PCDH9: variants seen among roughly 807,000 people sequenced by gnomAD.
PCDH9 encodes protocadherin 9, also known as protocadherin-9.
In PCDH9, 24 loss-of-function variants were observed where a neutral mutation model predicts 70.6. The observed-to-expected ratio is 0.34, with a 90% CI of 0.25 to 0.48. The LOEUF (loss-of-function observed/expected upper bound fraction) is 0.48. Ranked by LOEUF, PCDH9 falls within the 20% of genes least tolerant of loss-of-function variation. PCDH9 has a pLI of 0.99. For missense variants in PCDH9, 1,281 were observed against 1,503.6 expected, an observed-to-expected ratio of 0.85 and a Z score of 2.45; for synonymous variants, 562 against 558.5, an observed-to-expected ratio of 1.01 and a Z score of -0.09.
chr13:67,102,733 G>A (rs2086460035), intron 2 of PCDH9, among the ~76,000 whole-genome samples: 1 of 152,140 alleles, frequency 6.6e-6, no homozygotes, highest in South Asian at 2.1e-4. Flanking sequence ...GACCTGAACT[G>A]CTGGATATAA....
intron 2 of PCDH9, among the ~76,000 whole-genome samples, chr13:66,922,729 C>T (rs896564835): frequency 2.6e-5 from 4 of 151,430 alleles, no homozygotes; most frequent in African/African-American, 9.7e-5. Flanking sequence ...CTCTAATTTG[C>T]TGCTATTATA....
intron 2 of PCDH9, among the ~76,000 whole-genome samples, chr13:67,112,716 TTC>T (rs1374707037): frequency 6.8e-6 from 1 of 147,718 alleles, no homozygotes; most frequent in Non-Finnish European, 1.5e-5. Context: ...TCCGCCTTCC[TTC>T]TTTCCTTCTT....
intron 2 of PCDH9, chr13:67,223,611 A>C (rs900583500): frequency 6.6e-6 from 1 of 152,152 alleles, no homozygotes; most frequent in Non-Finnish European, 1.5e-5. Context: ...TACTTTTCTT[A>C]TCATAGTTAA....
intron 4 of PCDH9, among the ~76,000 whole-genome samples, chr13:66,604,305 T>G (rs1400048929): frequency 6.6e-6 from 1 of 152,022 alleles, no homozygotes; most frequent in African/African-American, 2.4e-5. Context: ...GATTGTTTTA[T>G]ACTGTAAGCA....
rs1392158495 is a variant in PCDH9 at position 67,028,067 on chromosome 13, G to C, written c.3037-124462C>G. 4.2e-4 allele frequency among the ~76,000 whole-genome samples: 63 copies of C among 151,116 alleles called. 1 individual carries two copies. In the East Asian group the frequency reaches 0.012, roughly 28 times the overall value. The stretch of plus-strand genomic sequence containing the variant: ...CATTTGACCCAGCCATCCCATTACT[G>C]AGTATATACCCAAATGACTATAAAT... On this transcript the variant is annotated intron_variant, in intron 2 of 4. Coordinates refer to ENST00000377865, the MANE Select transcript of PCDH9 (RefSeq NM_203487.3).
At chr13:66,539,633 A>G (rs1258814726) in intron 4 of PCDH9, among the ~76,000 whole-genome samples, 3 of 152,068 alleles carry the variant, frequency 2.0e-5, no homozygotes, top group African/African-American at 7.2e-5. Flanking sequence ...AGCTAAATAA[A>G]TGGTTATTGC....
At chr13:67,172,773 G>A (rs2088328120) in intron 2 of PCDH9, among the ~76,000 whole-genome samples, 1 of 151,840 alleles carries the variant, frequency 6.6e-6, no homozygotes, top group Admixed American at 6.6e-5. Context: ...AGCTACTCGA[G>A]GGGCTGAGGC....
intron 2 of PCDH9, among the ~76,000 whole-genome samples, chr13:67,148,300 C>T (rs576057569): frequency 1.3e-5 from 2 of 151,318 alleles, no homozygotes; most frequent in African/African-American, 2.4e-5. Flanking sequence ...AAGATTTCTT[C>T]AAGACCATTT....
rs73505347 is a variant in PCDH9 at position 66,960,908 on chromosome 13, T to G, written c.3037-57303A>C. On this transcript the variant is annotated intron_variant, in intron 2 of 4. Coordinates refer to ENST00000377865, the MANE Select transcript of PCDH9 (RefSeq NM_203487.3). ...CTATTGAAGGTTAACCTGTTTAGAG[T>G]ATCAATTGGTAAAATAATCAAAACA... Among the ~76,000 whole-genome samples, 480 of 152,268 alleles carry G rather than the reference T, an allele frequency of 3.2e-3. 5 individuals carry two copies. The highest frequency in any genetic ancestry group is 0.011 in the African/African-American group (466 of 41,556).
At chr13:67,159,554 T>A (rs1777147444) in intron 2 of PCDH9, among the ~76,000 whole-genome samples, 1 of 152,150 alleles carries the variant, frequency 6.6e-6, no homozygotes, top group South Asian at 2.1e-4. Context: ...GAAACCAGAC[T>A]GGACCCCAGA....
chr13:66,779,433 T>C (rs1323595988), intron 3 of PCDH9, among the ~76,000 whole-genome samples: 1 of 152,170 alleles, frequency 6.6e-6, no homozygotes, highest in African/African-American at 2.4e-5. Context: ...CTCATCTGCC[T>C]CATTGGATAA....
intron 3 of PCDH9, among the ~76,000 whole-genome samples, chr13:66,687,194 A>T (rs1462789353): frequency 2.0e-5 from 3 of 152,176 alleles, no homozygotes; most frequent in Non-Finnish European, 4.4e-5. Context: ...TACTTGATTC[A>T]AGCTCAGAAA....
intron 4 of PCDH9, among the ~76,000 whole-genome samples, chr13:66,490,293 A>G (rs1414353772): frequency 6.6e-6 from 1 of 152,126 alleles, no homozygotes; most frequent in Non-Finnish European, 1.5e-5. Context: ...ACTTTTACCA[A>G]AAGTTCTGAG....
chr13:66,341,069 T>C (rs1956115748), intron 4 of PCDH9, among the ~76,000 whole-genome samples: 1 of 152,202 alleles, frequency 6.6e-6, no homozygotes, highest in African/African-American at 2.4e-5. Flanking sequence ...GTAAAATGTA[T>C]TGTCACTTAC....
At position 67,070,717 on chromosome 13, in the gene PCDH9, C is replaced by T. The variant is rs577439883; in HGVS notation, c.3036+154688G>A. 2.0e-5 allele frequency among the ~76,000 whole-genome samples: 3 copies of T among 152,208 alleles called. No homozygotes were observed. In the South Asian group the frequency reaches 6.2e-4, roughly 32 times the overall value. On this transcript the variant is annotated intron_variant, in intron 2 of 4. Transcript: ENST00000377865. ...TAAATTATGCATCTTAATAGCTCTC[C>T]TTTTTACAAAAAATCACTGTGATCT... is the stretch of plus-strand genomic sequence containing the variant.
intron 2 of PCDH9, among the ~76,000 whole-genome samples, chr13:67,099,773 A>G (rs1236464943): frequency 1.3e-5 from 2 of 152,214 alleles, no homozygotes; most frequent in Admixed American, 1.3e-4. Context: ...ACAGCGAGTG[A>G]GGAGTCTCTA....
intron 4 of PCDH9, among the ~76,000 whole-genome samples, chr13:66,401,537 C>A (rs561236298): frequency 1.3e-5 from 2 of 152,104 alleles, no homozygotes; most frequent in African/African-American, 2.4e-5. Flanking sequence ...TTATTAGCAG[C>A]ATGAGAATGG....
At chr13:66,603,369 T>C (rs2077185325) in intron 4 of PCDH9, among the ~76,000 whole-genome samples, 1 of 152,010 alleles carries the variant, frequency 6.6e-6, no homozygotes, top group Admixed American at 6.6e-5. Context: ...TTTAAGAAAG[T>C]AGAATACCTT....
intron 2 of PCDH9, among the ~76,000 whole-genome samples, chr13:66,942,747 G>A (rs9592493): frequency 0.14 from 21,449 of 151,992 alleles, 1,672 homozygotes; most frequent in East Asian, 0.28. Flanking sequence ...TTGCACAATT[G>A]CTGAGGTAAA....
Sources: gnomAD v4.1 joint callset for allele counts (sites outside exome capture counted in the v4.1 genomes callset) on GRCh38, gnomAD v4.1.1 for gene constraint, MANE v1.5 for transcripts, NCBI Gene and HGNC (gene_info 2026-07-23, HGNC 2026-07-21) for gene names.